The following ESR2 variants were observed in gnomAD, a reference collection of about 807,000 sequenced individuals.
ESR2 encodes the protein estrogen receptor 2, also known as estrogen receptor beta.
In ESR2, 36 loss-of-function variants were observed where a neutral mutation model predicts 49.6. The observed-to-expected ratio is 0.73, with a 90% CI of 0.56 to 0.96. ESR2 has a LOEUF of 0.96. Among genes scored for constraint, ESR2 ranks in the 40% least tolerant of loss-of-function variants. ESR2 has a pLI of 0.00. For synonymous variants in ESR2, 320 were observed against 266.1 expected (o/e 1.20, Z -1.97); for missense variants, 714 against 693.0 (o/e 1.03, Z -0.34).
At position 64,307,508 on chromosome 14, in the gene ESR2, G is replaced by A. The variant is rs778462842; in HGVS notation, c.-90-24433C>T. ...AATTACAGGCATGAGCCACCACACC[G>A]GTCTTTTAACCTGTTTTTTGTTTTG... On this transcript the variant is annotated intron_variant, in intron 1 of 8. Transcript: ENST00000358599. Among the ~76,000 whole-genome samples, 3 of 149,664 alleles carry A rather than the reference G, an allele frequency of 2.0e-5. No homozygotes were observed. The Admixed American group carries it at 2.0e-4, about 10-fold the overall frequency.
intron 4 of ESR2, among the ~76,000 whole-genome samples, chr14:64,266,386 G>A (rs1156743011): frequency 6.6e-6 from 1 of 152,218 alleles, no homozygotes; most frequent in Non-Finnish European, 1.5e-5. Flanking sequence ...CACAGTTACA[G>A]TCAGCAGGAA....
intron 1 of ESR2, among the ~76,000 whole-genome samples, chr14:64,307,585 A>C (rs1433745201): frequency 1.3e-5 from 2 of 151,638 alleles, no homozygotes; most frequent in African/African-American, 2.4e-5. Flanking sequence ...CCCAGGCTGG[A>C]GTGCAGTGGC....
rs2076016831 is a variant in ESR2 at position 64,252,870 on chromosome 14, T to C, written c.1092-3191A>G. Among the ~76,000 whole-genome samples the C allele has an allele frequency of 2.6e-5, 4 of 152,132 alleles. No homozygotes were observed. The South Asian group carries it at 8.3e-4, about 32-fold the overall frequency. ...TTATTACTTGACAATCACTTTTTTT[T>C]TTTGAGACAGGGTCTCACCCCGATG... On this transcript the variant is annotated intron_variant, in intron 6 of 8. Transcript: ENST00000341099.
chr14:64,318,536 T>TA (rs2077285683), intron 1 of ESR2, among the ~76,000 whole-genome samples: 1 of 6,912 alleles, frequency 1.4e-4, no homozygotes, highest in Non-Finnish European at 2.8e-4. Context: ...AAACTCCATC[T>TA]CAAAAAAAAA....
chr14:64,278,005 A>C (rs1169073906), intron 3 of ESR2, among the ~76,000 whole-genome samples: 2 of 152,236 alleles, frequency 1.3e-5, no homozygotes, highest in Admixed American at 1.3e-4. Context: ...CTCTTTTTAA[A>C]AGATATGGTT....
intron 1 of ESR2, among the ~76,000 whole-genome samples, chr14:64,288,346 C>T (rs991612487): frequency 8.6e-6 from 1 of 116,116 alleles, no homozygotes; most frequent in Non-Finnish European, 1.7e-5. Flanking sequence ...AAAAAGACTA[C>T]ACTTTTTTTT....
rs1555574404 is a variant in ESR2, at chr14:64,253,560, T to TTTTGTG, written c.1091+3665_1091+3666insCACAAA. Among the ~76,000 whole-genome samples the TTTTGTG allele has an allele frequency of 5.1e-5, 7 of 136,642 alleles. No homozygotes were observed. In the South Asian group the frequency reaches 1.8e-3, roughly 34 times the overall value. 89.6% of individuals were successfully genotyped at this position (136,642 alleles called of 152,430 possible). A position where few individuals can be genotyped will look rare whatever the true frequency, so the allele number is the denominator to read the frequency against. ...TGGGCCTCCCTTAGGGGTACACTAT[T>TTTTGTG]TGTGTGTGTGTGTGTGTGTGTGTGT... On this transcript the variant is annotated intron_variant, in intron 6 of 8. Coordinates refer to ENST00000341099, the MANE Select transcript of ESR2 (RefSeq NM_001437.3).
rs1056196031 is a variant in ESR2, at chr14:64,244,964, G to A, written c.1225+4582C>T. On this transcript the variant is annotated intron_variant, in intron 7 of 8. Coordinates refer to ENST00000341099, the MANE Select transcript of ESR2 (RefSeq NM_001437.3). ...TGTGTCCCTCCTCCTGGGGATCACT[G>A]TTGTCCAATGTCCAATATCTGTTTT... is the stretch of plus-strand genomic sequence containing the variant. Among the ~76,000 whole-genome samples the A allele has an allele frequency of 2.0e-5, 3 of 152,152 alleles. No individual in the cohort carries two copies. In the South Asian group the frequency reaches 6.2e-4, roughly 32 times the overall value.
At chr14:64,281,236 T>G (rs1055212725) in intron 2 of ESR2, among the ~76,000 whole-genome samples, 1 of 152,056 alleles carries the variant, frequency 6.6e-6, no homozygotes, top group African/African-American at 2.4e-5. Flanking sequence ...GAACGAAAAG[T>G]CTAACAAGGG....
At position 64,228,855 on chromosome 14, in the gene ESR2, A is replaced by C. The variant is rs1006091514; in HGVS notation, c.*4282T>G. Among the ~76,000 whole-genome samples, 4 of 152,266 alleles carry C rather than the reference A, an allele frequency of 2.6e-5. No individual in the cohort carries two copies. Among genetic ancestry groups the C allele is most frequent in the Admixed American group, 1.3e-4 (2 of 15,292 alleles). ...CCAAAGCAACAAAAATGGCACTACG[A>C]TCATACATCACAGACAATGCACATC... On this transcript the variant is annotated 3_prime_UTR_variant, in exon 9 of 9. Transcript: ENST00000341099.
intron 3 of ESR2, among the ~76,000 whole-genome samples, chr14:64,275,515 C>T (rs559495158): frequency 7.9e-5 from 12 of 152,048 alleles, no homozygotes; most frequent in African/African-American, 2.7e-4. Context: ...CCAGCCTGGC[C>T]AATATGGTGA....
rs987545077 is a variant in ESR2 at position 64,230,483 on chromosome 14, G to C, written c.*2654C>G. 6.6e-6 allele frequency among the ~76,000 whole-genome samples: 1 copy of C among 152,086 alleles called. No individual in the cohort carries two copies. The highest frequency in any genetic ancestry group is 2.4e-5 in the African/African-American group (1 of 41,408). On this transcript the variant is annotated 3_prime_UTR_variant, in exon 9 of 9. Transcript: ENST00000341099. Reference sequence around the variant, plus strand: ...GCCCTTCCAGCTGAGTTAGCAGGGGGAGTATTCCAGACCAAGACTCGCACT... The same window carrying C: ...GCCCTTCCAGCTGAGTTAGCAGGGGCAGTATTCCAGACCAAGACTCGCACT...
At chr14:64,322,518 GAAAAAAAAAA>G (rs35866794) in intron 1 of ESR2, among the ~76,000 whole-genome samples, 1 of 86,470 alleles carries the variant, frequency 1.2e-5, no homozygotes, top group Non-Finnish European at 2.7e-5. Flanking sequence ...CCACAGAAAG[GAAAAAAAAAA>G]AAAAAAAAAG....
At chr14:64,279,285 T>C (rs988963170) in intron 3 of ESR2, among the ~76,000 whole-genome samples, 1 of 152,106 alleles carries the variant, frequency 6.6e-6, no homozygotes, top group Admixed American at 6.6e-5. Context: ...TGTTCTCAGA[T>C]CTCCTGAGGG....
chr14:64,292,325 G>A (rs895453387), intron 1 of ESR2, among the ~76,000 whole-genome samples: 1 of 152,174 alleles, frequency 6.6e-6, no homozygotes, highest in African/African-American at 2.4e-5. Context: ...CAGGGGCAGT[G>A]GGGTAGGTAG....
chr14:64,242,631 C>A lies in ESR2; in HGVS notation c.1225+6915G>T, dbSNP rs568515461. ...ACCAAAAAAAAAAAAATTTAGAGAA[C>A]TTTTGCTTATACATGCATGAGGGAA... On this transcript the variant is annotated intron_variant, in intron 7 of 8. Coordinates refer to ENST00000341099, the MANE Select transcript of ESR2 (RefSeq NM_001437.3). Among the ~76,000 whole-genome samples, 208 of 151,594 alleles carry A rather than the reference C, an allele frequency of 1.4e-3. 1 individual carries two copies. The highest frequency in any genetic ancestry group is 1.6e-3 in the Non-Finnish European group (112 of 67,884).
At chr14:64,233,366 G>T (rs759794756) in intron 8 of ESR2, 43 bp from the exon 9 acceptor site, 1 of 1,580,040 alleles carries the variant, frequency 6.3e-7, no homozygotes, top group Non-Finnish European at 8.7e-7. Flanking sequence ...CTCCGAGGCA[G>T]CCACAGGAAC....
At chr14:64,263,496 C>T (rs1373078905) in intron 4 of ESR2, among the ~76,000 whole-genome samples, 1 of 151,822 alleles carries the variant, frequency 6.6e-6, no homozygotes, top group African/African-American at 2.4e-5. Context: ...ATCTCTACTA[C>T]AAATACAAAA....
chr14:64,291,719 A>G lies in ESR2; in HGVS notation c.-91+2314T>C, dbSNP rs189902550. 2.6e-3 allele frequency among the ~76,000 whole-genome samples: 399 copies of G among 152,224 alleles called. 2 individuals carry two copies. The highest frequency in any genetic ancestry group is 9.4e-3 in the African/African-American group (392 of 41,548). On this transcript the variant is annotated intron_variant, in intron 1 of 8. Coordinates refer to ENST00000341099, the MANE Select transcript of ESR2 (RefSeq NM_001437.3). ...AATTTAAAAATCCTGACATCTACAA[A>G]TAAGTTGGACACAGACCTAAGCCCC...
Sources: allele counts gnomAD v4.1 joint callset (sites outside exome capture counted in the v4.1 genomes callset), GRCh38; gene constraint gnomAD v4.1.1; transcripts MANE v1.5; gene names NCBI Gene and HGNC (gene_info 2026-07-23, HGNC 2026-07-21).